Variants in AP1S3 observed in about 807,000 individuals in gnomAD.
The protein encoded by AP1S3 is AP-1 complex subunit sigma-3.
Under a neutral mutation model 20.9 loss-of-function variants are expected in AP1S3, and 10 were observed. The observed-to-expected ratio is 0.48, with a 90% CI of 0.29 to 0.81. The LOEUF (loss-of-function observed/expected upper bound fraction) is 0.81, where lower values mean the gene tolerates loss of function less well. Ranked by LOEUF, AP1S3 falls within the 30% of genes least tolerant of loss-of-function variation. AP1S3 has a pLI of 0.08. For synonymous variants in AP1S3, 41 were observed against 61.5 expected (o/e 0.67, Z 1.56); for missense variants, 154 against 183.8 (o/e 0.84, Z 0.94).
intron 1 of AP1S3, among the ~76,000 whole-genome samples, chr2:223,834,040 CT>C (rs1472937098): frequency 6.6e-6 from 1 of 152,100 alleles, no homozygotes; most frequent in East Asian, 1.9e-4. Context: ...TCCCAAGTAG[CT>C]GGGATTATAG....
At chr2:223,828,557 A>G (rs1240865450) in intron 1 of AP1S3, among the ~76,000 whole-genome samples, 1 of 152,156 alleles carries the variant, frequency 6.6e-6, no homozygotes, top group East Asian at 1.9e-4. Flanking sequence ...TAAAACTGAG[A>G]TGACTCAAGA....
intron 1 of AP1S3, among the ~76,000 whole-genome samples, chr2:223,822,309 T>C (rs1692008317): frequency 6.6e-6 from 1 of 152,022 alleles, no homozygotes; most frequent in African/African-American, 2.4e-5. Flanking sequence ...AGAGGATTGC[T>C]TGAGCGCAGG....
chr2:223,788,710 G>A (rs1177185401), intron 1 of AP1S3, among the ~76,000 whole-genome samples: 2 of 149,858 alleles, frequency 1.3e-5, no homozygotes, highest in African/African-American at 2.5e-5. Flanking sequence ...GTTGCAGTGA[G>A]CCAAGATTGT....
chr2:223,794,577 G>T (rs1363888470), intron 1 of AP1S3, among the ~76,000 whole-genome samples: 1 of 152,132 alleles, frequency 6.6e-6, no homozygotes, highest in East Asian at 1.9e-4. Flanking sequence ...CTGGTAAGAA[G>T]TATCTAATAG....
intron 1 of AP1S3, among the ~76,000 whole-genome samples, chr2:223,833,241 A>AATACATACATACATACATACATAC (rs56906676): frequency 6.7e-6 from 1 of 148,432 alleles, no homozygotes; most frequent in African/African-American, 2.5e-5. Context: ...TTAAAGGCAA[A>AATACATACATACATACATACATAC]ATACATACAT....
At chr2:223,770,106 G>T (rs975782737) in intron 3 of AP1S3, 37 of 1,481,262 alleles carry the variant, frequency 2.5e-5, no homozygotes, top group Admixed American at 5.3e-5. Context: ...CATCATTTTT[G>T]CAGTTTTAAA....
At chr2:223,828,551 A>G (rs1319572048) in intron 1 of AP1S3, among the ~76,000 whole-genome samples, 1 of 152,086 alleles carries the variant, frequency 6.6e-6, no homozygotes, top group East Asian at 1.9e-4. Flanking sequence ...AGGAAATAAA[A>G]CTGAGATGAC....
intron 1 of AP1S3, among the ~76,000 whole-genome samples, chr2:223,817,062 T>C (rs192857108): frequency 7.3e-4 from 111 of 151,866 alleles, no homozygotes; most frequent in African/African-American, 2.4e-3. Flanking sequence ...GAGACGGAGG[T>C]TGCAGTGAGC....
At chr2:223,779,098 C>G (rs1036968675) in intron 1 of AP1S3, among the ~76,000 whole-genome samples, 2 of 152,144 alleles carry the variant, frequency 1.3e-5, no homozygotes, top group African/African-American at 4.8e-5. Flanking sequence ...ACCATAGACT[C>G]TTAACAATTT....
At chr2:223,837,304 A>C in intron 1 of AP1S3, 144 bp downstream of exon 1, 3 of 315,620 alleles carry the variant, frequency 9.5e-6, no homozygotes, top group Non-Finnish European at 1.6e-5. Flanking sequence ...CAGCGGGGCC[A>C]CAGGGACGCA....
Position 223,758,636 on chromosome 2 carries a change from A to G in AP1S3, c.*79T>C. ...TTTTTGGCATGGTGCCTGAGGCTCC[A>G]TCAAAAAACCGGATGGGAGGCGTTG... On this transcript the variant is annotated 3_prime_UTR_variant, in exon 5 of 5. Transcript: ENST00000396654. The G allele has an allele frequency of 6.7e-7, 1 of 1,483,738 alleles. No homozygotes were observed. The allele number at this position is 1,483,738 out of a possible 1,614,324, so 91.9% of individuals were successfully genotyped here.
intron 1 of AP1S3, among the ~76,000 whole-genome samples, chr2:223,812,535 T>G (rs1691756263): frequency 6.6e-6 from 1 of 152,188 alleles, no homozygotes; most frequent in Non-Finnish European, 1.5e-5. Context: ...ATGTGAGCCT[T>G]TATAAAACGT....
chr2:223,766,944 T>G (rs1306658139), intron 3 of AP1S3, among the ~76,000 whole-genome samples: 1 of 151,656 alleles, frequency 6.6e-6, no homozygotes, highest in Non-Finnish European at 1.5e-5. Flanking sequence ...CTCAGCAAAC[T>G]ACTACAAGAA....
intron 4 of AP1S3, among the ~76,000 whole-genome samples, chr2:223,763,039 A>G (rs1287051116): frequency 6.6e-6 from 1 of 152,222 alleles, no homozygotes; most frequent in Non-Finnish European, 1.5e-5. Flanking sequence ...CAATTCTTCA[A>G]CAAGCTCCCC....
intron 1 of AP1S3, among the ~76,000 whole-genome samples, chr2:223,834,584 G>T (rs1172678410): frequency 1.3e-5 from 2 of 151,672 alleles, no homozygotes; most frequent in Non-Finnish European, 2.9e-5. Context: ...AACAAGCCTT[G>T]TCTCAAAATA....
At chr2:223,777,117 C>T (rs550880986) in intron 2 of AP1S3, among the ~76,000 whole-genome samples, 14 of 152,002 alleles carry the variant, frequency 9.2e-5, no homozygotes, top group African/African-American at 3.1e-4. Context: ...CAGGAATGGC[C>T]GGACATGATG....
At chr2:223,807,968 C>A (rs868588743) in intron 1 of AP1S3, among the ~76,000 whole-genome samples, 1 of 144,260 alleles carries the variant, frequency 6.9e-6, no homozygotes, top group Non-Finnish European at 1.5e-5. Context: ...TGGCTCACTG[C>A]AACCTCCACC....
chr2:223,817,607 C>CAAAA (rs748661983), intron 1 of AP1S3, among the ~76,000 whole-genome samples: 1 of 81,206 alleles, frequency 1.2e-5, no homozygotes, highest in South Asian at 4.0e-4. Flanking sequence ...GACTCCGTCT[C>CAAAA]AAAAAAAAAA....
intron 1 of AP1S3, among the ~76,000 whole-genome samples, chr2:223,796,997 A>G (rs1691353211): frequency 6.6e-6 from 1 of 152,192 alleles, no homozygotes; most frequent in Non-Finnish European, 1.5e-5. Context: ...GAGTGGCAGC[A>G]GCAGAATTTT....
Sources: gnomAD v4.1 joint callset for allele counts (sites outside exome capture counted in the v4.1 genomes callset) on GRCh38, gnomAD v4.1.1 for gene constraint, MANE v1.5 for transcripts, NCBI Gene and HGNC (gene_info 2026-07-23, HGNC 2026-07-21) for gene names.